The following PEX5L variants were observed in gnomAD, a reference collection of about 807,000 sequenced individuals.
PEX5L encodes peroxisomal biogenesis factor 5 like.
PEX5L carries 30 observed loss-of-function variants against 84.0 expected under a neutral mutation model. The observed-to-expected ratio is 0.36, with a 90% CI of 0.27 to 0.48. PEX5L has a LOEUF of 0.48. Among genes scored for constraint, PEX5L ranks in the 20% least tolerant of loss-of-function variants. The pLI, the probability that PEX5L is intolerant of heterozygous loss-of-function variation, is 0.99. For missense variants in PEX5L, 533 were observed against 754.6 expected (o/e 0.71, Z 3.44); for synonymous variants, 270 against 283.1 (o/e 0.95, Z 0.46).
chr3:179,972,978 T>C (rs79582567), intron 1 of PEX5L, among the ~76,000 whole-genome samples: 16,289 of 152,206 alleles, frequency 0.11, 1,097 homozygotes, highest in South Asian at 0.22. Flanking sequence ...TCATTTGAGG[T>C]TCCATTTCAA....
At chr3:179,997,248 C>G (rs1787969375) in intron 1 of PEX5L, among the ~76,000 whole-genome samples, 1 of 152,174 alleles carries the variant, frequency 6.6e-6, no homozygotes, top group Admixed American at 6.5e-5. Flanking sequence ...TGGCTCTGAG[C>G]TGATGTTGAT....
intron 2 of PEX5L, among the ~76,000 whole-genome samples, chr3:179,916,381 C>T (rs1401172808): frequency 6.6e-6 from 1 of 151,888 alleles, no homozygotes; most frequent in African/African-American, 2.4e-5. Flanking sequence ...TTTGTGTATC[C>T]AAACATATCT....
intron 2 of PEX5L, among the ~76,000 whole-genome samples, chr3:179,957,051 C>G (rs140206198): frequency 7.9e-5 from 12 of 152,144 alleles, no homozygotes; most frequent in African/African-American, 2.9e-4. Context: ...AAGGAAACCA[C>G]TAAAATGACA....
At chr3:180,027,525 C>T (rs1033257217) in intron 1 of PEX5L, among the ~76,000 whole-genome samples, 1 of 152,136 alleles carries the variant, frequency 6.6e-6, no homozygotes, top group South Asian at 2.1e-4. Context: ...CATGCATACA[C>T]ATAAGATTAT....
Position 179,893,676 on chromosome 3 carries a change from T to C in PEX5L, c.198+4466A>G, listed in dbSNP as rs149754811. On this transcript the variant is annotated intron_variant, in intron 3 of 14. Transcript: ENST00000467460. ...TTCAGATTGATGATCTTGAATTGTT[T>C]TAAAGTAAAATATTCTGTTTTTATA... Among the ~76,000 whole-genome samples, 188 of 152,274 alleles carry C rather than the reference T, an allele frequency of 1.2e-3. 1 individual carries two copies. The highest frequency in any genetic ancestry group is 4.4e-3 in the African/African-American group (181 of 41,580).
At chr3:179,856,299 A>T (rs1743914813) in intron 8 of PEX5L, among the ~76,000 whole-genome samples, 1 of 152,230 alleles carries the variant, frequency 6.6e-6, no homozygotes, top group South Asian at 2.1e-4. Flanking sequence ...ATTATACTGT[A>T]AAACTTTCCA....
intron 8 of PEX5L, among the ~76,000 whole-genome samples, chr3:179,824,360 T>C (rs962838975): frequency 3.9e-5 from 6 of 152,110 alleles, no homozygotes; most frequent in African/African-American, 1.4e-4. Context: ...GATCAAAACT[T>C]GAGAAAACCA....
chr3:179,881,011 G>A (rs1753984152), intron 4 of PEX5L: 1 of 152,256 alleles, frequency 6.6e-6, no homozygotes, highest in African/African-American at 2.4e-5. Context: ...CTGCACTGGA[G>A]AGACTAGCTT....
At chr3:179,938,587 A>C (rs544343411) in intron 2 of PEX5L, among the ~76,000 whole-genome samples, 27 of 152,330 alleles carry the variant, frequency 1.8e-4, no homozygotes, top group African/African-American at 6.0e-4. Flanking sequence ...ACTTATCCAC[A>C]CAAAATAAGA....
chr3:179,894,737 T>G (rs1758686498), intron 3 of PEX5L, among the ~76,000 whole-genome samples: 1 of 151,912 alleles, frequency 6.6e-6, no homozygotes, highest in Admixed American at 6.6e-5. Context: ...ATATAATGGG[T>G]GATGACAGAT....
chr3:179,876,906 T>C (rs955358994), intron 5 of PEX5L, among the ~76,000 whole-genome samples: 3 of 152,204 alleles, frequency 2.0e-5, no homozygotes, highest in African/African-American at 4.8e-5. Context: ...GTTTTTGGAA[T>C]ATTTGCATGT....
At chr3:180,002,296 A>G (rs1788495758) in intron 1 of PEX5L, among the ~76,000 whole-genome samples, 1 of 152,100 alleles carries the variant, frequency 6.6e-6, no homozygotes, top group Non-Finnish European at 1.5e-5. Context: ...TTTATTTAAA[A>G]ATTGTTTTAC....
At chr3:179,907,771 C>T (rs1392765280) in intron 2 of PEX5L, among the ~76,000 whole-genome samples, 2 of 151,918 alleles carry the variant, frequency 1.3e-5, no homozygotes, top group East Asian at 1.9e-4. Flanking sequence ...TGGAATTCAC[C>T]CCCTTTATGA....
At position 179,819,923 on chromosome 3, in the gene PEX5L, C is replaced by T. The variant is rs754368115; in HGVS notation, c.876G>A (p.Arg292=). The stretch of plus-strand genomic sequence containing the variant: ...CTTGGTTCTCAGATATCCAGTTCCT[C>T]CGAGCCATTTCTTCCCATTCTGCTT... ...KMQAEWEEMA[R]RNWISENQEA... is the part of the protein sequence containing the mutation. The change falls in exon 9 of 15, where the codon CGG becomes CGA. Residue 292 remains arginine (R), a synonymous_variant. Coordinates refer to ENST00000467460, the MANE Select transcript of PEX5L (RefSeq NM_016559.3). The T allele has an allele frequency of 1.6e-5, 26 of 1,613,914 alleles. No homozygotes were observed. Among genetic ancestry groups the T allele is most frequent in the Non-Finnish European group, 3.4e-6 (4 of 1,179,974 alleles).
At chr3:179,894,321 C>G (rs3821795) in intron 3 of PEX5L, among the ~76,000 whole-genome samples, 26,753 of 151,956 alleles carry the variant, frequency 0.18, 2,543 homozygotes, top group South Asian at 0.31. Flanking sequence ...GCTCTGTGAT[C>G]GTAACTCTGA....
At chr3:179,866,363 T>G (rs900391416) in intron 7 of PEX5L, among the ~76,000 whole-genome samples, 1 of 152,174 alleles carries the variant, frequency 6.6e-6, no homozygotes, top group Non-Finnish European at 1.5e-5. Context: ...TGAAAGCATA[T>G]GCTGGAATCA....
intron 8 of PEX5L, among the ~76,000 whole-genome samples, chr3:179,833,596 C>T (rs1479312628): frequency 6.6e-6 from 1 of 152,148 alleles, no homozygotes; most frequent in Non-Finnish European, 1.5e-5. Context: ...CAAGTTCATT[C>T]TGTTTAGAAA....
In PEX5L at chr3:179,815,929, C is replaced by T. The variant is rs746601794; in HGVS notation, c.1015G>A (p.Glu339Lys). 1.5e-5 allele frequency: 25 copies of T among 1,614,070 alleles called. No homozygotes were observed. In the Middle Eastern group the frequency reaches 4.9e-4, roughly 32 times the overall value. Residue 339 changes from glutamate to lysine, a missense_variant, in exon 10 of 15, where the codon GAA (glutamate) becomes AAA (lysine). By Grantham distance (56) the Glu-to-Lys change is moderately conservative. Transcript: ENST00000467460. Reference sequence around the variant, plus strand: ...AGGATGGTGACTGGCAGATCCCCTTCCTTCAGCCTTTTTAAGCCTTCTTCA... The same window carrying T: ...AGGATGGTGACTGGCAGATCCCCTTTCTTCAGCCTTTTTAAGCCTTCTTCA... ...AFEEGLKRLKEGDLPVTILFM... is the reference protein window; with the variant it reads ...AFEEGLKRLKKGDLPVTILFM...
chr3:179,880,916 T>C (rs1349076903), intron 4 of PEX5L: 1 of 152,256 alleles, frequency 6.6e-6, no homozygotes, highest in Non-Finnish European at 1.5e-5. Context: ...GACTAGCTCA[T>C]TGTGAGAGAT....
Sources: allele counts gnomAD v4.1 joint callset (sites outside exome capture counted in the v4.1 genomes callset), GRCh38; gene constraint gnomAD v4.1.1; transcripts MANE v1.5; gene names NCBI Gene and HGNC (gene_info 2026-07-23, HGNC 2026-07-21).